The following CTNNBIP1 variants were observed in gnomAD, a reference collection of about 807,000 sequenced individuals.
CTNNBIP1 encodes beta-catenin-interacting protein 1.
A neutral mutation model predicts 11.8 loss-of-function variants in CTNNBIP1; 7 were observed. That is an observed-to-expected ratio of 0.60 (90% CI 0.34 to 1.12). CTNNBIP1 has a LOEUF of 1.12. Ranked by LOEUF, CTNNBIP1 falls within the 50% of genes most tolerant of loss-of-function variation. The pLI is 0.03. For missense variants in CTNNBIP1, 101 were observed against 113.4 expected (o/e 0.89, Z 0.50); for synonymous variants, 58 against 43.9 (o/e 1.32, Z -1.26).
intron 3 of CTNNBIP1, among the ~76,000 whole-genome samples, chr1:9,877,167 G>A (rs1318647010): frequency 6.6e-6 from 1 of 152,206 alleles, no homozygotes; most frequent in African/African-American, 2.4e-5. Context: ...AGGAGGTAGT[G>A]CAAGAGGGAC....
intron 1 of CTNNBIP1, among the ~76,000 whole-genome samples, chr1:9,884,022 AGAGG>A (rs1306566596): frequency 1.3e-5 from 2 of 152,108 alleles, no homozygotes; most frequent in African/African-American, 4.8e-5. Flanking sequence ...GGCAGGGAGC[AGAGG>A]AAGGGGAGAG....
At chr1:9,892,088 G>A (rs976930021) in intron 1 of CTNNBIP1, among the ~76,000 whole-genome samples, 4 of 151,942 alleles carry the variant, frequency 2.6e-5, no homozygotes, top group African/African-American at 2.4e-5. Flanking sequence ...TTATAGACAT[G>A]AGCCACCGAG....
chr1:9,882,114 T>C (rs1639094643), intron 2 of CTNNBIP1, among the ~76,000 whole-genome samples: 1 of 152,288 alleles, frequency 6.6e-6, no homozygotes, highest in South Asian at 2.1e-4. Flanking sequence ...TAGTGAGCTC[T>C]GCAGGAAGGC....
intron 1 of CTNNBIP1, among the ~76,000 whole-genome samples, chr1:9,900,219 C>T (rs764987234): frequency 6.6e-6 from 1 of 152,042 alleles, no homozygotes; most frequent in African/African-American, 2.4e-5. Flanking sequence ...CAAGGTGAAA[C>T]CCCATCTCTA....
intron 5 of CTNNBIP1, among the ~76,000 whole-genome samples, chr1:9,855,327 A>C (rs1638478976): frequency 6.6e-6 from 1 of 150,982 alleles, no homozygotes; most frequent in African/African-American, 2.5e-5. Context: ...AGGGACCCAG[A>C]ATATCCAACA....
intron 1 of CTNNBIP1, among the ~76,000 whole-genome samples, chr1:9,909,021 G>A (rs1396503478): frequency 6.6e-6 from 1 of 152,242 alleles, no homozygotes; most frequent in African/African-American, 2.4e-5. Flanking sequence ...ATCTGAGGAA[G>A]CTGCTGGTAT....
intron 5 of CTNNBIP1, among the ~76,000 whole-genome samples, chr1:9,866,806 A>C (rs139884607): frequency 6.6e-6 from 1 of 151,974 alleles, no homozygotes; most frequent in Non-Finnish European, 1.5e-5. Flanking sequence ...GCCAGATAGG[A>C]GTGATCTGAA....
intron 1 of CTNNBIP1, chr1:9,893,316 C>T (rs1639345550): frequency 6.6e-6 from 1 of 152,196 alleles, no homozygotes; most frequent in Non-Finnish European, 1.5e-5. Flanking sequence ...GATCTGGGCA[C>T]ACCCTGGCAA....
intron 1 of CTNNBIP1, among the ~76,000 whole-genome samples, chr1:9,897,535 C>T (rs1048207325): frequency 6.6e-6 from 1 of 152,114 alleles, no homozygotes; most frequent in African/African-American, 2.4e-5. Context: ...GCCTGTAATC[C>T]CAGCTACTCA....
chr1:9,899,730 G>A (rs1277510017), intron 1 of CTNNBIP1, among the ~76,000 whole-genome samples: 1 of 151,712 alleles, frequency 6.6e-6, no homozygotes, highest in Non-Finnish European at 1.5e-5. Context: ...CTGCACTCCA[G>A]CCTGGCGACA....
intron 3 of CTNNBIP1, among the ~76,000 whole-genome samples, chr1:9,877,599 C>T (rs74476295): frequency 2.3e-3 from 349 of 152,320 alleles, no homozygotes; most frequent in African/African-American, 8.0e-3. Context: ...GTACAATTTA[C>T]ACTTTCATGA....
chr1:9,885,616 C>T (rs1639171332), intron 1 of CTNNBIP1, among the ~76,000 whole-genome samples: 1 of 151,326 alleles, frequency 6.6e-6, no homozygotes, highest in East Asian at 1.9e-4. Flanking sequence ...TAAACTCCAG[C>T]CTAGGTGACA....
chr1:9,891,007 T>G (rs185558625), intron 1 of CTNNBIP1, among the ~76,000 whole-genome samples: 2 of 152,258 alleles, frequency 1.3e-5, no homozygotes, highest in East Asian at 3.9e-4. Flanking sequence ...AGACTGGAAA[T>G]TTTGACCTAT....
chr1:9,900,663 G>A (rs1309234052), intron 1 of CTNNBIP1, among the ~76,000 whole-genome samples: 7 of 152,200 alleles, frequency 4.6e-5, no homozygotes, highest in Non-Finnish European at 7.3e-5. Context: ...GCACTGCTCC[G>A]GCTGCCCGAG....
chr1:9,898,163 G>C (rs947901397), intron 1 of CTNNBIP1, among the ~76,000 whole-genome samples: 3 of 150,946 alleles, frequency 2.0e-5, no homozygotes, highest in African/African-American at 7.3e-5. Context: ...AAGAAACCTA[G>C]AAGTCATAAA....
chr1:9,875,958 T>C (rs754664062), intron 3 of CTNNBIP1, among the ~76,000 whole-genome samples: 4 of 152,204 alleles, frequency 2.6e-5, no homozygotes, highest in Non-Finnish European at 5.9e-5. Context: ...TCAACGAGTA[T>C]ATTAAAGTAT....
chr1:9,871,224 G>C lies in CTNNBIP1; in HGVS notation c.150C>G (p.Ser50Arg), dbSNP rs968654645. The C allele has an allele frequency of 5.1e-6, 8 of 1,581,464 alleles. No individual in the cohort carries two copies. The highest frequency in any genetic ancestry group is 6.9e-6 in the Non-Finnish European group (8 of 1,164,664). ...AGTGCGGAGGCAGCTGGCTGAGCTG[G>C]CTGTTGACCACCCCTGCATAGGTGC... ...FLRTYAGVVN[S>R]QLSQLPPHSI... The change falls in exon 5 of 6, where the codon AGC becomes AGG. Residue 50 changes from serine to arginine, a missense_variant. Coordinates refer to ENST00000377263, the MANE Select transcript of CTNNBIP1 (RefSeq NM_020248.3). This position sits in a 1 kb window ranked among gnomAD's most constrained non-coding sequence, Gnocchi z 5.2.
chr1:9,878,577 C>T (rs1639018845), intron 2 of CTNNBIP1, among the ~76,000 whole-genome samples: 1 of 152,228 alleles, frequency 6.6e-6, no homozygotes, highest in African/African-American at 2.4e-5. Context: ...CACATGTCTA[C>T]GTGCCCCCAA....
chr1:9,868,195 C>T (rs1401813716), intron 5 of CTNNBIP1, among the ~76,000 whole-genome samples: 1 of 152,210 alleles, frequency 6.6e-6, no homozygotes, highest in East Asian at 1.9e-4. Flanking sequence ...CCACAGGGCG[C>T]CCCAGCAGCA....
Sources: gnomAD v4.1 joint callset for allele counts (sites outside exome capture counted in the v4.1 genomes callset) on GRCh38, gnomAD v4.1.1 for gene constraint, Gnocchi (gnomAD v3.1) non-coding constraint, MANE v1.5 for transcripts, NCBI Gene and HGNC (gene_info 2026-07-23, HGNC 2026-07-21) for gene names.